ATRNL1: variants seen among roughly 807,000 people sequenced by gnomAD.
The protein encoded by ATRNL1 is attractin like 1.
Under a neutral mutation model 182.7 loss-of-function variants are expected in ATRNL1, and 95 were observed. The observed-to-expected ratio is 0.52, with a 90% CI of 0.44 to 0.62. The LOEUF (loss-of-function observed/expected upper bound fraction) is 0.62, where lower values mean the gene tolerates loss of function less well. Among genes scored for constraint, ATRNL1 ranks in the 20% least tolerant of loss-of-function variants. The pLI, the probability that ATRNL1 is intolerant of heterozygous loss-of-function variation, is 0.00. For synonymous variants in ATRNL1, 576 were observed against 568.3 expected (o/e 1.01, Z -0.19); for missense variants, 1,471 against 1,679.5 (o/e 0.88, Z 2.17).
chr10:115,879,711 T>A (rs544642940), intron 28 of ATRNL1, among the ~76,000 whole-genome samples: 7 of 152,244 alleles, frequency 4.6e-5, no homozygotes, highest in African/African-American at 1.7e-4. Context: ...AGATTGTAAA[T>A]GATAATCACT....
chr10:115,571,767 T>A (rs1372130088), intron 26 of ATRNL1, among the ~76,000 whole-genome samples: 1 of 152,090 alleles, frequency 6.6e-6, no homozygotes, highest in African/African-American at 2.4e-5. Context: ...TAATTCATAT[T>A]CATATATTCC....
At chr10:115,616,625 T>G (rs1377556815) in intron 26 of ATRNL1, among the ~76,000 whole-genome samples, 2 of 152,196 alleles carry the variant, frequency 1.3e-5, no homozygotes, top group Non-Finnish European at 2.9e-5. Flanking sequence ...CCCATGCTTA[T>G]AGCCTTGTGC....
At chr10:115,731,700 A>G (rs1555062886) in intron 27 of ATRNL1, among the ~76,000 whole-genome samples, 1 of 150,886 alleles carries the variant, frequency 6.6e-6, no homozygotes, top group Non-Finnish European at 1.5e-5. Flanking sequence ...GATTTTTGGT[A>G]TATATACAGT....
Position 115,467,051 on chromosome 10 carries a change from T to C in ATRNL1, c.3418-123T>C, listed in dbSNP as rs797042562. ...ATAAATGGCATCTACATATATTCAG[T>C]TGAATATTTACAAAATCTATAGAGT... On this transcript the variant is annotated intron_variant, in intron 22 of 28. Coordinates refer to ENST00000355044, the MANE Select transcript of ATRNL1 (RefSeq NM_207303.4). The C allele has an allele frequency of 1.5e-5, 9 of 601,674 alleles. 1 individual carries two copies. The African/African-American group carries it at 1.5e-4, about 10-fold the overall frequency. The allele number at this position is 601,674 out of a possible 1,614,324, so 37.3% of individuals were successfully genotyped here. A position where few individuals can be genotyped will look rare whatever the true frequency, so the allele number is the denominator to read the frequency against.
intron 5 of ATRNL1, among the ~76,000 whole-genome samples, chr10:115,130,050 A>G (rs574888816): frequency 6.6e-6 from 1 of 152,300 alleles, no homozygotes; most frequent in East Asian, 1.9e-4. Context: ...ATACCTAGGA[A>G]AGAATTTCTA....
chr10:115,704,097 AGGAGAATATTT>A (rs1235030590), intron 26 of ATRNL1, among the ~76,000 whole-genome samples: 1 of 152,028 alleles, frequency 6.6e-6, no homozygotes, highest in Non-Finnish European at 1.5e-5. Context: ...GAAAAAGTAT[AGGAGAATATTT>A]GAGACAACAG....
rs1950853935 is a variant in ATRNL1 at position 115,843,343 on chromosome 10, G to A, written c.3904-4534G>A. On this transcript the variant is annotated intron_variant, in intron 27 of 28. Transcript: ENST00000355044. ...ATAAGAAACCGGACCTGTTCTCAAG[G>A]AGCTTGATCCAGTGGGAAATAGACA... Among the ~76,000 whole-genome samples, 2 of 152,072 alleles carry A rather than the reference G, an allele frequency of 1.3e-5. 1 individual carries two copies. Among genetic ancestry groups the A allele is most frequent in the South Asian group, 4.1e-4 (2 of 4,830 alleles).
intron 28 of ATRNL1, among the ~76,000 whole-genome samples, chr10:115,925,016 A>ACAT (rs1953181014): frequency 6.6e-6 from 1 of 152,112 alleles, no homozygotes; most frequent in Non-Finnish European, 1.5e-5. Flanking sequence ...GCAATTGTGA[A>ACAT]TGGGAGTACA....
intron 28 of ATRNL1, among the ~76,000 whole-genome samples, chr10:115,852,210 C>G (rs782014481): frequency 6.6e-6 from 1 of 152,148 alleles, no homozygotes; most frequent in Non-Finnish European, 1.5e-5. Context: ...CATGATCCTG[C>G]CTCATATATG....
chr10:115,836,912 T>G (rs1950687337), intron 27 of ATRNL1, among the ~76,000 whole-genome samples: 1 of 152,126 alleles, frequency 6.6e-6, no homozygotes, highest in Non-Finnish European at 1.5e-5. Context: ...GACCCAGATG[T>G]GTGCAGTGGG....
In ATRNL1 at chr10:115,563,591, GA is replaced by G. The variant is rs375554468; in HGVS notation, c.3795+14063del. ...TATATTCTACTGGTTCTAATTTAAG[GA>G]AAAAAAAGCTTTAAACAAAATAATT... On this transcript the variant is annotated intron_variant, in intron 26 of 28. Transcript: ENST00000355044. Among the ~76,000 whole-genome samples the G allele has an allele frequency of 1.0e-3, 152 of 151,056 alleles. 1 individual carries two copies. The East Asian group carries it at 0.014, about 14-fold the overall frequency.
chr10:115,811,985 A>G (rs1950056738), intron 27 of ATRNL1, among the ~76,000 whole-genome samples: 1 of 152,116 alleles, frequency 6.6e-6, no homozygotes, highest in African/African-American at 2.4e-5. Flanking sequence ...CCTATTTTTA[A>G]AAGTTTTATT....
chr10:115,169,538 T>A (rs543598671), intron 7 of ATRNL1, among the ~76,000 whole-genome samples: 1 of 152,140 alleles, frequency 6.6e-6, no homozygotes, highest in South Asian at 2.1e-4. Flanking sequence ...TTGCAGTAAG[T>A]TTTTGAGAAG....
At chr10:115,565,070 T>C (rs1853996612) in intron 26 of ATRNL1, among the ~76,000 whole-genome samples, 1 of 152,064 alleles carries the variant, frequency 6.6e-6, no homozygotes, top group African/African-American at 2.4e-5. Flanking sequence ...ACTTAGAATA[T>C]TCTTTTAGAG....
chr10:115,094,427 T>C (rs1263100583), intron 1 of ATRNL1, among the ~76,000 whole-genome samples: 5 of 152,228 alleles, frequency 3.3e-5, no homozygotes, highest in Non-Finnish European at 7.3e-5. Context: ...ATGAAATACA[T>C]GCGCATTGTG....
At chr10:115,658,642 C>A (rs1860487901) in intron 26 of ATRNL1, among the ~76,000 whole-genome samples, 1 of 152,038 alleles carries the variant, frequency 6.6e-6, no homozygotes, top group South Asian at 2.1e-4. Context: ...TCAGTTCAGG[C>A]ACCAGCTTGG....
At chr10:115,867,749 A>AG (rs1951472423) in intron 28 of ATRNL1, among the ~76,000 whole-genome samples, 1 of 97,680 alleles carries the variant, frequency 1.0e-5, no homozygotes. Flanking sequence ...TTTTTTTTTA[A>AG]TTTTTTGAGA....
intron 24 of ATRNL1, among the ~76,000 whole-genome samples, chr10:115,512,057 T>C (rs2133677503): frequency 6.6e-6 from 1 of 152,048 alleles, no homozygotes; most frequent in South Asian, 2.1e-4. Flanking sequence ...TAAAACTAAC[T>C]TTAAATGTAA....
chr10:115,635,734 T>C (rs1381725797), intron 26 of ATRNL1, among the ~76,000 whole-genome samples: 3 of 152,142 alleles, frequency 2.0e-5, no homozygotes, highest in African/African-American at 7.2e-5. Context: ...TTACTCAAAA[T>C]GCCCGTCAGT....
Sources: gnomAD v4.1 joint callset for allele counts (sites outside exome capture counted in the v4.1 genomes callset) on GRCh38, gnomAD v4.1.1 for gene constraint, MANE v1.5 for transcripts, NCBI Gene and HGNC (gene_info 2026-07-23, HGNC 2026-07-21) for gene names.